Variants in GAR1 observed in about 807,000 individuals in gnomAD.
GAR1 encodes the protein H/ACA ribonucleoprotein complex subunit 1.
GAR1 carries 11 observed loss-of-function variants against 29.3 expected under a neutral mutation model. The ratio of observed to expected loss-of-function variants is 0.38; its 90% CI spans 0.24 to 0.62. The LOEUF (loss-of-function observed/expected upper bound fraction) is 0.62. Ranked by LOEUF, GAR1 falls within the 20% of genes least tolerant of loss-of-function variation. GAR1 has a pLI of 0.62. For synonymous variants in GAR1, 87 were observed against 93.3 expected (o/e 0.93, Z 0.39); for missense variants, 237 against 268.4 (o/e 0.88, Z 0.82).
At chr4:109,819,179 T>C (rs761572251) in intron 4 of GAR1, 119 bp downstream of exon 4, 7 of 748,616 alleles carry the variant, frequency 9.4e-6, no homozygotes, top group East Asian at 2.5e-5. Flanking sequence ...AGCTCTTAAA[T>C]TGAAATGTTC....
At chr4:109,816,918 C>CA (rs1733369127) in intron 2 of GAR1, among the ~76,000 whole-genome samples, 1 of 152,166 alleles carries the variant, frequency 6.6e-6, no homozygotes, top group African/African-American at 2.4e-5. Context: ...AGTGAGAAAA[C>CA]AATTTGCTTG....
At chr4:109,816,105 T>C in intron 1 of GAR1, 48 bp from the exon 2 acceptor site, 1 of 1,556,764 alleles carries the variant, frequency 6.4e-7, no homozygotes, top group Non-Finnish European at 8.8e-7. Context: ...TGGAGTATAC[T>C]CAGAGGCTAC....
Position 109,818,989 on chromosome 4 carries a change from T to C in GAR1, c.370-12T>C. 1 of 1,125,472 alleles carries C rather than the reference T, an allele frequency of 8.9e-7. No homozygotes were observed. Among genetic ancestry groups the C allele is most frequent in the East Asian group, 2.3e-5 (1 of 42,664 alleles). The allele number at this position is 1,125,472 out of a possible 1,614,324, so 69.7% of individuals were successfully genotyped here. On this transcript the variant is annotated splice_polypyrimidine_tract_variant and intron_variant, in intron 3 of 6. Coordinates refer to ENST00000226796, the MANE Select transcript of GAR1 (RefSeq NM_018983.4). ...TCTTAATTGCTCATTTGTTCCTTAA[T>C]GAAAATAATAGTATTTTTCAGTTAA...
chr4:109,822,373 G>A lies in GAR1; in HGVS notation c.456G>A (p.Leu152=), dbSNP rs778999597. ...QKFYIDPYKL[L]PLQRFLPRPP... is the part of the protein sequence containing the mutation. The stretch of plus-strand genomic sequence containing the variant: ...TTTATATAGACCCATATAAGCTGCT[G>A]CCACTGCAGAGGTTTTTACCTCGAC... Residue 152 remains leucine, a synonymous_variant, in exon 5 of 7, where the codon CTG becomes CTA. Transcript: ENST00000226796. 8.7e-6 allele frequency: 14 copies of A among 1,601,048 alleles called. No homozygotes were observed. Among genetic ancestry groups the A allele is most frequent in the South Asian group, 1.1e-5 (1 of 89,912 alleles).
At chr4:109,815,865 G>A (rs1040174280) in intron 1 of GAR1, 61 bp downstream of exon 1, 1 of 391,984 alleles carries the variant, frequency 2.6e-6, no homozygotes, top group Non-Finnish European at 4.6e-6. Flanking sequence ...AACTGCCGGA[G>A]GGAGGGAGGA....
intron 3 of GAR1, 125 bp from the exon 4 acceptor site, chr4:109,818,876 A>T (rs1014148912): frequency 6.9e-6 from 4 of 582,806 alleles, no homozygotes; most frequent in Non-Finnish European, 1.2e-5. Context: ...CTGGAAATTC[A>T]TTTCTTATCT....
At chr4:109,823,073 A>T (rs13140289) in intron 5 of GAR1, among the ~76,000 whole-genome samples, 25,791 of 151,968 alleles carry the variant, frequency 0.17, 2,671 homozygotes, top group Admixed American at 0.33. Context: ...GGGTATTTTG[A>T]TGTATGCCTG....
chr4:109,817,901 G>C, intron 2 of GAR1, 35 bp from the exon 3 acceptor site: 5 of 1,566,162 alleles, frequency 3.2e-6, no homozygotes, highest in Non-Finnish European at 4.3e-6. Context: ...GTTTGAAATA[G>C]TTCTATGTTT....
intron 1 of GAR1, 26 bp downstream of exon 1, chr4:109,815,830 T>G: frequency 6.3e-6 from 2 of 315,116 alleles, no homozygotes; most frequent in Non-Finnish European, 1.2e-5. Flanking sequence ...AGCCGGAGGA[T>G]TTGAAAATGC....
chr4:109,819,158 A>G (rs763674508), intron 4 of GAR1, 98 bp downstream of exon 4: 1 of 769,796 alleles, frequency 1.3e-6, no homozygotes. Flanking sequence ...TTCCCAACAT[A>G]TCACTAGTAA....
intron 2 of GAR1, among the ~76,000 whole-genome samples, chr4:109,816,732 G>A (rs956015205): frequency 6.6e-6 from 1 of 152,136 alleles, no homozygotes; most frequent in African/African-American, 2.4e-5. Flanking sequence ...GGTGGCTCAC[G>A]CCTGTAATCC....
In GAR1 at chr4:109,819,060, G is replaced by T; in HGVS notation, c.429G>T (p.Lys143Asn). The T allele has an allele frequency of 6.8e-7, 1 of 1,472,338 alleles. No individual in the cohort carries two copies. Among genetic ancestry groups the T allele is most frequent in the Non-Finnish European group, 9.5e-7 (1 of 1,051,588 alleles). 91.2% of individuals were successfully genotyped at this position (1,472,338 alleles called of 1,614,324 possible). The stretch of plus-strand genomic sequence containing the variant: ...CTTCATCCTTTAAAAAACTACAGAA[G>T]GTGAGTCAAACTTATGATACTTGGG... Reference protein sequence around the residue: ...MKASSFKKLQKFYIDPYKLLP... With the variant: ...MKASSFKKLQNFYIDPYKLLP... Residue 143 changes from lysine to asparagine, a missense_variant and splice_region_variant, in exon 4 of 7, where the codon AAG (lysine) becomes AAT (asparagine). By Grantham distance (94) the Lys-to-Asn change is moderately conservative (BLOSUM62 0). Transcript: ENST00000226796.
chr4:109,817,170 C>T (rs113446683), intron 2 of GAR1, among the ~76,000 whole-genome samples: 2 of 151,928 alleles, frequency 1.3e-5, no homozygotes, highest in African/African-American at 4.8e-5. Context: ...ATACATGAGA[C>T]CTTGAGAGCC....
chr4:109,818,544 T>C (rs1579352079), intron 3 of GAR1, among the ~76,000 whole-genome samples: 1 of 146,868 alleles, frequency 6.8e-6, no homozygotes, highest in Non-Finnish European at 1.5e-5. Context: ...CCTCCCTTCC[T>C]CCCTTCCTTC....
chr4:109,819,130 C>A, intron 4 of GAR1, 70 bp downstream of exon 4: 1 of 815,048 alleles, frequency 1.2e-6, no homozygotes, highest in Non-Finnish European at 2.2e-6. Context: ...GAAAGTCCTA[C>A]TTGGAGCACT....
intron 5 of GAR1, among the ~76,000 whole-genome samples, chr4:109,823,394 T>C (rs1733571194): frequency 6.6e-6 from 1 of 152,226 alleles, no homozygotes; most frequent in African/African-American, 2.4e-5. Context: ...GGGTACCTTC[T>C]TGAGAATTTG....
At chr4:109,821,753 A>C (rs1471151152) in intron 4 of GAR1, among the ~76,000 whole-genome samples, 1 of 152,186 alleles carries the variant, frequency 6.6e-6, no homozygotes, top group Non-Finnish European at 1.5e-5. Flanking sequence ...TGATTTTTTA[A>C]TATGCATGTA....
chr4:109,818,537 C>T (rs28463159), intron 3 of GAR1, among the ~76,000 whole-genome samples: 1 of 150,450 alleles, frequency 6.6e-6, no homozygotes. Context: ...TTCCCTCCCT[C>T]CCTTCCTCCC....
At chr4:109,823,337 T>G (rs1425141478) in intron 5 of GAR1, among the ~76,000 whole-genome samples, 1 of 152,158 alleles carries the variant, frequency 6.6e-6, no homozygotes, top group East Asian at 1.9e-4. Context: ...ACCATTTCAC[T>G]CCATAAAGGT....
Sources: allele counts gnomAD v4.1 joint callset (sites outside exome capture counted in the v4.1 genomes callset), GRCh38; gene constraint gnomAD v4.1.1; transcripts MANE v1.5; gene names NCBI Gene and HGNC (gene_info 2026-07-23, HGNC 2026-07-21).